RNF130: variants seen among roughly 807,000 people sequenced by gnomAD.
The protein encoded by RNF130 is E3 ubiquitin-protein ligase RNF130.
A neutral mutation model predicts 44.6 loss-of-function variants in RNF130; 21 were observed. The observed-to-expected ratio is 0.47, with a 90% CI of 0.33 to 0.68. The LOEUF (loss-of-function observed/expected upper bound fraction) is 0.68, where lower values mean the gene tolerates loss of function less well. Among genes scored for constraint, RNF130 ranks in the 30% least tolerant of loss-of-function variants. The pLI is 0.02. For missense variants in RNF130, 479 were observed against 560.6 expected (o/e 0.85, Z 1.47); for synonymous variants, 214 against 210.4 (o/e 1.02, Z -0.15).
chr5:179,932,866 C>T (rs939030636), intron 7 of RNF130, among the ~76,000 whole-genome samples: 1 of 152,034 alleles, frequency 6.6e-6, no homozygotes, highest in African/African-American at 2.4e-5. Context: ...CATCTGTATT[C>T]ACAAAAGAAA....
At chr5:180,008,442 A>AT (rs1204528225) in intron 3 of RNF130, among the ~76,000 whole-genome samples, 2 of 152,086 alleles carry the variant, frequency 1.3e-5, no homozygotes, top group Non-Finnish European at 2.9e-5. Context: ...ACAGCAGAAT[A>AT]TTTTTTCTAA....
intron 2 of RNF130, among the ~76,000 whole-genome samples, chr5:180,022,805 G>C (rs1437363936): frequency 6.6e-6 from 1 of 152,164 alleles, no homozygotes; most frequent in East Asian, 1.9e-4. Flanking sequence ...CACCTCCCTA[G>C]TTTTGTGCCT....
intron 7 of RNF130, among the ~76,000 whole-genome samples, chr5:179,927,019 T>C (rs1377854072): frequency 3.3e-5 from 5 of 152,238 alleles, no homozygotes; most frequent in Non-Finnish European, 5.9e-5. Flanking sequence ...TTGACTGTTA[T>C]GGGGTGAGAA....
rs187202891 is a variant in RNF130, at chr5:180,044,457, G to A, written c.248-3810C>T. Among the ~76,000 whole-genome samples the A allele has an allele frequency of 7.2e-5, 11 of 152,198 alleles. No homozygotes were observed. In the East Asian group the frequency reaches 2.1e-3, roughly 29 times the overall value. On this transcript the variant is annotated intron_variant, in intron 1 of 8. Coordinates refer to ENST00000521389, the MANE Select transcript of RNF130 (RefSeq NM_018434.6). ...ACAATTCTGGGCTCCTCACCTCAATGAATAGTAACTTATGTGCTCAGCTAC... is the reference window on the plus strand; with the variant it reads ...ACAATTCTGGGCTCCTCACCTCAATAAATAGTAACTTATGTGCTCAGCTAC...
In RNF130 at chr5:180,038,455, T is replaced by C. The variant is rs1321994599; in HGVS notation, c.442+1998A>G. Among the ~76,000 whole-genome samples, 35 of 150,660 alleles carry C rather than the reference T, an allele frequency of 2.3e-4. 1 individual carries two copies. Among genetic ancestry groups the C allele is most frequent in the African/African-American group, 6.8e-4 (28 of 41,126 alleles). ...TTAACCTAGTATTTCCCAAAGTGCT[T>C]GGATTATAGGATTACAGGTGTGAGC... On this transcript the variant is annotated intron_variant, in intron 2 of 8. Coordinates refer to ENST00000521389, the MANE Select transcript of RNF130 (RefSeq NM_018434.6).
chr5:179,952,459 C>CA (rs1264489646), downstream of RNF130, among the ~76,000 whole-genome samples: 1 of 151,938 alleles, frequency 6.6e-6, no homozygotes, highest in Admixed American at 6.6e-5. Flanking sequence ...TAAGATTTTC[C>CA]AAAAAACAGA....
At chr5:179,928,675 C>T in intron 7 of RNF130, among the ~76,000 whole-genome samples, 1 of 149,902 alleles carries the variant, frequency 6.7e-6, no homozygotes. Context: ...ATCACCCAGG[C>T]TGGAGTGCAG....
chr5:180,065,021 T>C (rs1350942550), intron 1 of RNF130, among the ~76,000 whole-genome samples: 4 of 152,190 alleles, frequency 2.6e-5, no homozygotes, highest in African/African-American at 9.7e-5. Flanking sequence ...GTGCCTCTTT[T>C]CTTACTAGAG....
chr5:179,973,501 G>A (rs1454669673), intron 5 of RNF130, among the ~76,000 whole-genome samples: 6 of 152,240 alleles, frequency 3.9e-5, no homozygotes, highest in African/African-American at 7.2e-5. Context: ...ACTGGGCCAG[G>A]GGCGTTTAAT....
At chr5:180,013,576 A>C (rs17681505) in intron 2 of RNF130, among the ~76,000 whole-genome samples, 6,762 of 152,298 alleles carry the variant, frequency 0.044, 194 homozygotes, top group South Asian at 0.071. Flanking sequence ...CTTGTCTGAC[A>C]ACTACATTTT....
intron 2 of RNF130, among the ~76,000 whole-genome samples, chr5:180,035,121 G>C (rs1465169370): frequency 1.3e-5 from 2 of 151,888 alleles, no homozygotes; most frequent in East Asian, 3.9e-4. Flanking sequence ...CTTTTTTATA[G>C]TTTCCAAAGG....
chr5:179,980,468 G>A, intron 3 of RNF130: 1 of 394,260 alleles, frequency 2.5e-6, no homozygotes, highest in Non-Finnish European at 4.7e-6. Context: ...AAAAAGTTAG[G>A]TGTCATAATT....
At chr5:180,056,221 TAA>T (rs1322236248) in intron 1 of RNF130, among the ~76,000 whole-genome samples, 1 of 151,410 alleles carries the variant, frequency 6.6e-6, no homozygotes, top group African/African-American at 2.4e-5. Context: ...ACTCTTAGCC[TAA>T]GTGTTGAGCC....
At chr5:179,965,956 G>C (rs985236197) in intron 7 of RNF130, among the ~76,000 whole-genome samples, 1 of 152,206 alleles carries the variant, frequency 6.6e-6, no homozygotes, top group Non-Finnish European at 1.5e-5. Flanking sequence ...GCCTCAGGGC[G>C]TGACGTGCTA....
In RNF130 at chr5:179,970,183, C is replaced by T. The variant is rs533129548; in HGVS notation, c.945+227G>A. 4.6e-5 allele frequency among the ~76,000 whole-genome samples: 7 copies of T among 152,062 alleles called. No individual in the cohort carries two copies. The East Asian group carries it at 1.4e-3, about 29-fold the overall frequency. ...AATTTAAAAAAAGAAAAAAAAAGGC[C>T]TAGTAGAGTTATTTACCTTCTCTTC... is the stretch of plus-strand genomic sequence containing the variant. On this transcript the variant is annotated intron_variant, in intron 6 of 8. Transcript: ENST00000521389.
At chr5:179,982,208 C>T (rs1309514010) in intron 3 of RNF130, among the ~76,000 whole-genome samples, 1 of 151,202 alleles carries the variant, frequency 6.6e-6, no homozygotes, top group African/African-American at 2.4e-5. Context: ...ATTAAGCCAC[C>T]TTGGTGCATG....
chr5:180,018,924 T>A (rs943805419), intron 2 of RNF130, among the ~76,000 whole-genome samples: 6 of 152,110 alleles, frequency 3.9e-5, no homozygotes, highest in African/African-American at 1.4e-4. Context: ...TAAAGGAAGA[T>A]CCAGGAAGAG....
intron 7 of RNF130, among the ~76,000 whole-genome samples, chr5:179,941,693 A>T (rs554482253): frequency 6.6e-6 from 1 of 152,222 alleles, no homozygotes; most frequent in African/African-American, 2.4e-5. Flanking sequence ...TCCTCAAGTC[A>T]TCACTGCACT....
At position 179,977,852 on chromosome 5, in the gene RNF130, C is replaced by T. The variant is rs1323895808; in HGVS notation, c.848+351G>A. ...CTGGGGTGACAGAGCGAGACTCCGT[C>T]TCAAAAAATAAATAAATAAATAAAT... On this transcript the variant is annotated intron_variant, in intron 5 of 8. Transcript: ENST00000521389. The surrounding 1 kb of genome is among the most constrained non-coding windows in gnomAD (Gnocchi z 4.1). Among the ~76,000 whole-genome samples, 1 of 151,996 alleles carries T rather than the reference C, an allele frequency of 6.6e-6. No individual in the cohort carries two copies. The highest frequency in any genetic ancestry group is 1.9e-4 in the East Asian group (1 of 5,192).
Sources: allele counts gnomAD v4.1 joint callset (sites outside exome capture counted in the v4.1 genomes callset), GRCh38; gene constraint gnomAD v4.1.1; non-coding constraint Gnocchi (gnomAD v3.1); transcripts MANE v1.5; gene names NCBI Gene and HGNC (gene_info 2026-07-23, HGNC 2026-07-21).